KHDRBS2: variants seen among roughly 807,000 people sequenced by gnomAD.
The protein encoded by KHDRBS2 is KH RNA binding domain containing, signal transduction associated 2, also known as KH domain-containing, RNA-binding, signal transduction-associated protein 2.
Under a neutral mutation model 44.3 loss-of-function variants are expected in KHDRBS2, and 26 were observed. The observed-to-expected ratio is 0.59, with a 90% confidence interval of 0.43 to 0.81. The LOEUF (loss-of-function observed/expected upper bound fraction) is 0.81, where lower values mean the gene tolerates loss of function less well. Ranked by LOEUF, KHDRBS2 falls within the 40% of genes least tolerant of loss-of-function variation. The pLI is 0.00. For synonymous variants in KHDRBS2, 194 were observed against 151.1 expected (o/e 1.28, Z -2.08); for missense variants, 476 against 433.1 (o/e 1.10, Z -0.88).
chr6:61,607,813 T>C, the KHDRBS2 span, among the ~76,000 whole-genome samples: 1 of 152,064 alleles, frequency 6.6e-6, no homozygotes, highest in African/African-American at 2.4e-5. Context: ...TCAGCCTCCC[T>C]GGTAGCTGGG....
At chr6:61,571,393 T>C in the KHDRBS2 span, among the ~76,000 whole-genome samples, 1,982 of 152,210 alleles carry the variant, frequency 0.013, 20 homozygotes, top group South Asian at 0.058. Context: ...TATATGCACC[T>C]AATACTGGAG....
the KHDRBS2 span, among the ~76,000 whole-genome samples, chr6:61,558,753 G>A: frequency 2.8e-4 from 43 of 151,882 alleles, no homozygotes; most frequent in African/African-American, 6.5e-4. Flanking sequence ...CTGATTTCTC[G>A]TATTATTTTA....
chr6:61,762,198 T>TA (rs988067354), intron 6 of KHDRBS2, among the ~76,000 whole-genome samples: 2 of 152,170 alleles, frequency 1.3e-5, no homozygotes, highest in Non-Finnish European at 2.9e-5. Context: ...CCTAGAAAGA[T>TA]AAAATCCTGC....
intron 1 of KHDRBS2, among the ~76,000 whole-genome samples, chr6:62,238,872 C>A (rs1433692779): frequency 6.6e-6 from 1 of 152,046 alleles, no homozygotes; most frequent in African/African-American, 2.4e-5. Flanking sequence ...CATGTGATAT[C>A]ATGGGAGATT....
intron 2 of KHDRBS2, among the ~76,000 whole-genome samples, chr6:62,143,078 C>T (rs1813199072): frequency 6.6e-6 from 1 of 151,658 alleles, no homozygotes; most frequent in Admixed American, 6.6e-5. Context: ...ACAGAGTTAC[C>T]TTAAAGCTAA....
chr6:61,776,335 AC>A, intron 6 of KHDRBS2, among the ~76,000 whole-genome samples: 1 of 152,272 alleles, frequency 6.6e-6, no homozygotes, highest in Non-Finnish European at 1.5e-5. Context: ...AAAAGAAACT[AC>A]CATCAGAGTG....
the KHDRBS2 span, among the ~76,000 whole-genome samples, chr6:61,629,627 A>G: frequency 6.6e-6 from 1 of 152,316 alleles, no homozygotes; most frequent in Middle Eastern, 3.4e-3. Flanking sequence ...CTTTTTGGGC[A>G]AATGGGCTCT....
At chr6:61,969,716 TC>T (rs1770914634) in intron 4 of KHDRBS2, among the ~76,000 whole-genome samples, 2 of 151,952 alleles carry the variant, frequency 1.3e-5, no homozygotes, top group South Asian at 4.1e-4. Flanking sequence ...TGCAATAATT[TC>T]ATCAGATGGC....
intron 2 of KHDRBS2, among the ~76,000 whole-genome samples, chr6:62,131,200 A>G (rs1810229221): frequency 6.6e-6 from 1 of 152,208 alleles, no homozygotes; most frequent in Admixed American, 6.5e-5. Flanking sequence ...CTTTGATAGT[A>G]GAAAAACTGT....
chr6:61,932,028 T>A (rs1337255346), intron 4 of KHDRBS2, among the ~76,000 whole-genome samples: 1 of 152,210 alleles, frequency 6.6e-6, no homozygotes, highest in Non-Finnish European at 1.5e-5. Context: ...ATACAATATA[T>A]AATATGTATA....
At chr6:62,028,733 T>G (rs1279452286) in intron 3 of KHDRBS2, among the ~76,000 whole-genome samples, 1 of 152,120 alleles carries the variant, frequency 6.6e-6, no homozygotes, top group Non-Finnish European at 1.5e-5. Flanking sequence ...CTAGCAAAAC[T>G]CATTGGCAAT....
rs62416678 is a variant in KHDRBS2, at chr6:61,962,438, T to C, written c.483+15628A>G. ...CTCCATTTCAGTAGTTCCCAATCTA[T>C]GGGCTGCACACTCTAAGTGATTGTA... On this transcript the variant is annotated intron_variant, in intron 4 of 8. Coordinates refer to ENST00000281156, the MANE Select transcript of KHDRBS2 (RefSeq NM_152688.4). 6.2e-3 allele frequency among the ~76,000 whole-genome samples: 941 copies of C among 152,188 alleles called. 7 individuals carry two copies. Among genetic ancestry groups the C allele is most frequent in the Middle Eastern group, 0.017 (5 of 294 alleles).
rs746237096 is a variant in KHDRBS2, at chr6:62,047,918, A to C, written c.296T>G (p.Met99Arg). The change falls in exon 3 of 9, where the codon ATG becomes AGG. Residue 99 changes from methionine (M) to arginine (R), a missense_variant. Transcript: ENST00000281156. Reference sequence around the variant, plus strand: ...CATTGATCCTTTGCCCAGGATAGACATTTTAGCACCTGTTTCTTCCTGTAG... The same window carrying C: ...CATTGATCCTTTGCCCAGGATAGACCTTTTAGCACCTGTTTCTTCCTGTAG... ...KRLQEETGAKMSILGKGSMRD... is the reference protein window; with the variant it reads ...KRLQEETGAKRSILGKGSMRD... The C allele has an allele frequency of 1.9e-6, 3 of 1,611,966 alleles. No homozygotes were observed. The highest frequency in any genetic ancestry group is 2.5e-6 in the Non-Finnish European group (3 of 1,178,430).
chr6:61,592,262 T>C, the KHDRBS2 span, among the ~76,000 whole-genome samples: 1 of 149,742 alleles, frequency 6.7e-6, no homozygotes, highest in Admixed American at 6.6e-5. Context: ...CACGTGTGCA[T>C]GGAAGTCATA....
At chr6:62,213,989 A>C (rs748546882) in intron 1 of KHDRBS2, among the ~76,000 whole-genome samples, 2 of 151,986 alleles carry the variant, frequency 1.3e-5, no homozygotes, top group Non-Finnish European at 2.9e-5. Flanking sequence ...ATGATGATAA[A>C]ATATTTAGCC....
chr6:61,814,267 A>T (rs1472579792), intron 6 of KHDRBS2, among the ~76,000 whole-genome samples: 1 of 152,292 alleles, frequency 6.6e-6, no homozygotes, highest in East Asian at 1.9e-4. Flanking sequence ...ATTATGACTG[A>T]AATTAAAATA....
At chr6:62,276,122 C>T (rs1381243324) in intron 1 of KHDRBS2, among the ~76,000 whole-genome samples, 1 of 152,142 alleles carries the variant, frequency 6.6e-6, no homozygotes, top group Admixed American at 6.5e-5. Context: ...AGAGAAAACA[C>T]ACTTATTCTG....
At chr6:61,587,802 G>A in the KHDRBS2 span, among the ~76,000 whole-genome samples, 12 of 152,062 alleles carry the variant, frequency 7.9e-5, no homozygotes, top group Admixed American at 7.9e-4. Context: ...TTCTCTCAAT[G>A]CCCTTACACT....
At chr6:61,838,603 A>C (rs1793095586) in intron 6 of KHDRBS2, among the ~76,000 whole-genome samples, 1 of 151,978 alleles carries the variant, frequency 6.6e-6, no homozygotes, top group African/African-American at 2.4e-5. Flanking sequence ...GAATGATATA[A>C]AAGAGACACT....
Sources: allele counts gnomAD v4.1 joint callset (sites outside exome capture counted in the v4.1 genomes callset), GRCh38; gene constraint gnomAD v4.1.1; transcripts MANE v1.5; gene names NCBI Gene and HGNC (gene_info 2026-07-23, HGNC 2026-07-21).